MED27: variants seen among roughly 807,000 people sequenced by gnomAD.
The protein encoded by MED27 is mediator complex subunit 27, also known as mediator of RNA polymerase II transcription subunit 27.
In MED27, 30 loss-of-function variants were observed where a neutral mutation model predicts 38.2. That is an observed-to-expected ratio of 0.79 (90% CI 0.59 to 1.07). The LOEUF (loss-of-function observed/expected upper bound fraction) is 1.07. Ranked by LOEUF, MED27 falls within the 50% of genes least tolerant of loss-of-function variation. The probability of loss-of-function intolerance (pLI) is 0.00; values close to 1 mark genes in which losing one functional copy is unlikely to be tolerated. For synonymous variants in MED27, 122 were observed against 153.5 expected, an observed-to-expected ratio of 0.79 and a Z score of 1.52; for missense variants, 289 against 397.5, an observed-to-expected ratio of 0.73 and a Z score of 2.32.
intron 4 of MED27, among the ~76,000 whole-genome samples, chr9:131,911,880 T>C (rs930956866): frequency 6.6e-6 from 1 of 152,152 alleles, no homozygotes; most frequent in Non-Finnish European, 1.5e-5. Flanking sequence ...CCCTGATCAC[T>C]GCTGTTAACT....
At chr9:131,930,202 ACAT>A (rs1444622701) in intron 4 of MED27, among the ~76,000 whole-genome samples, 5 of 152,222 alleles carry the variant, frequency 3.3e-5, no homozygotes, top group Non-Finnish European at 4.4e-5. Flanking sequence ...CCAAGGGGTA[ACAT>A]CAGATCACTG....
chr9:132,044,383 G>A (rs930021023), intron 2 of MED27, among the ~76,000 whole-genome samples: 1 of 152,142 alleles, frequency 6.6e-6, no homozygotes, highest in Admixed American at 6.5e-5. Flanking sequence ...TTTCTCTTAC[G>A]CTTCTTACTT....
At chr9:132,057,719 G>A (rs1204594056) in intron 2 of MED27, among the ~76,000 whole-genome samples, 2 of 152,168 alleles carry the variant, frequency 1.3e-5, no homozygotes, top group East Asian at 1.9e-4. Flanking sequence ...GGTCCCAAAC[G>A]TTACTCATGA....
chr9:131,925,730 A>G (rs951687068), intron 4 of MED27, among the ~76,000 whole-genome samples: 1 of 152,258 alleles, frequency 6.6e-6, no homozygotes, highest in African/African-American at 2.4e-5. Context: ...CATCCCCTCC[A>G]AAACAGGAGA....
intron 5 of MED27, among the ~76,000 whole-genome samples, chr9:131,884,778 TTGTA>T (rs1405092591): frequency 6.6e-6 from 1 of 152,046 alleles, no homozygotes; most frequent in African/African-American, 2.4e-5. Flanking sequence ...TGCTTAATTT[TTGTA>T]TTTTTAGTAG....
In MED27 at chr9:131,863,086, C is replaced by A; in HGVS notation, c.778G>T (p.Asp260Tyr). 1.2e-6 allele frequency: 2 copies of A among 1,614,152 alleles called. No homozygotes were observed. Among genetic ancestry groups the A allele is most frequent in the Non-Finnish European group, 1.7e-6 (2 of 1,180,006 alleles). Residue 260 changes from aspartate to tyrosine, a missense_variant, in exon 7 of 8, where the codon GAT becomes TAT. Transcript: ENST00000292035. ...ACCATGAAGGATCGGACCACGACAT[C>A]CGGCATCTGGGGCAGCTGATAGTGG... is the stretch of plus-strand genomic sequence containing the variant. ...LLHYQLPQMP[D>Y]VVVRSFMTWL...
intron 3 of MED27, among the ~76,000 whole-genome samples, chr9:131,991,191 C>T (rs769469830): frequency 4.6e-5 from 7 of 151,780 alleles, no homozygotes; most frequent in African/African-American, 7.3e-5. Flanking sequence ...AGTACAGCTG[C>T]GTTTCAAAAA....
Position 131,889,800 on chromosome 9 carries a change from A to G in MED27, c.681+4085T>C, listed in dbSNP as rs1839198931. Among the ~76,000 whole-genome samples, 1 of 152,204 alleles carries G rather than the reference A, an allele frequency of 6.6e-6. No homozygotes were observed. The highest frequency in any genetic ancestry group is 1.5e-5 in the Non-Finnish European group (1 of 68,036). On this transcript the variant is annotated intron_variant, in intron 5 of 7. Coordinates refer to ENST00000292035, the MANE Select transcript of MED27 (RefSeq NM_004269.4). This position sits in a 1 kb window ranked among gnomAD's most constrained non-coding sequence, Gnocchi z 4.2. Reference sequence around the variant, plus strand: ...TGCTTTGGGCTTGGAGGACAGAGACAACCGCAGAGGCAGAAGTTAAGCCCA... The same window carrying G: ...TGCTTTGGGCTTGGAGGACAGAGACGACCGCAGAGGCAGAAGTTAAGCCCA...
rs890429217 is a variant in MED27, at chr9:131,967,810, C to T, written c.480-28336G>A. Among the ~76,000 whole-genome samples, 3 of 149,654 alleles carry T rather than the reference C, an allele frequency of 2.0e-5. No homozygotes were observed. In the East Asian group the frequency reaches 6.0e-4, roughly 30 times the overall value. ...ACAGGCGTGAGCCACTGTGCCCAGCCTCTCATGATTTTTTTTTTTTTTTTT... is the reference window on the plus strand; with the variant it reads ...ACAGGCGTGAGCCACTGTGCCCAGCTTCTCATGATTTTTTTTTTTTTTTTT... On this transcript the variant is annotated intron_variant, in intron 3 of 7. Transcript: ENST00000292035.
chr9:131,921,230 C>T (rs1026603544), intron 4 of MED27, among the ~76,000 whole-genome samples: 3 of 152,160 alleles, frequency 2.0e-5, no homozygotes, highest in African/African-American at 7.2e-5. Flanking sequence ...GTTAGCACTA[C>T]CCTGCACCTG....
intron 3 of MED27, among the ~76,000 whole-genome samples, chr9:132,005,115 G>A (rs1220460209): frequency 1.3e-5 from 2 of 152,086 alleles, no homozygotes; most frequent in Non-Finnish European, 2.9e-5. Context: ...CCAATAACAG[G>A]AGTACATAAA....
intron 3 of MED27, among the ~76,000 whole-genome samples, chr9:131,987,436 G>A (rs1008519235): frequency 2.5e-4 from 38 of 152,022 alleles, no homozygotes; most frequent in African/African-American, 9.2e-4. Flanking sequence ...GAGGGGGAGC[G>A]GTGGGAATGT....
intron 3 of MED27, among the ~76,000 whole-genome samples, chr9:131,987,514 G>A (rs1324870966): frequency 1.3e-5 from 2 of 152,138 alleles, no homozygotes; most frequent in African/African-American, 2.4e-5. Context: ...TCTAAATAGA[G>A]TCTGTCTTAA....
chr9:132,041,673 T>A (rs1289716336), intron 2 of MED27, among the ~76,000 whole-genome samples: 2 of 152,202 alleles, frequency 1.3e-5, no homozygotes, highest in Non-Finnish European at 2.9e-5. Context: ...ATGAAAGAGA[T>A]TACTTTTTAA....
chr9:132,052,828 GTAAAAAACA>G (rs2131138425), intron 2 of MED27, among the ~76,000 whole-genome samples: 1 of 152,288 alleles, frequency 6.6e-6, no homozygotes, highest in East Asian at 1.9e-4. Flanking sequence ...CCATGCTGTT[GTAAAAAACA>G]TAATTTCATT....
At chr9:131,870,248 C>A (rs1838806689) in intron 6 of MED27, among the ~76,000 whole-genome samples, 1 of 152,200 alleles carries the variant, frequency 6.6e-6, no homozygotes, top group Non-Finnish European at 1.5e-5. Flanking sequence ...GTCTACGCTG[C>A]ACAGCTCAGG....
chr9:132,060,246 G>A (rs1252360883), intron 2 of MED27, among the ~76,000 whole-genome samples: 1 of 152,202 alleles, frequency 6.6e-6, no homozygotes, highest in African/African-American at 2.4e-5. Flanking sequence ...GGGGGAGGCA[G>A]TGACACACCA....
chr9:131,892,384 C>T (rs1366376324), intron 5 of MED27, among the ~76,000 whole-genome samples: 1 of 152,168 alleles, frequency 6.6e-6, no homozygotes, highest in Non-Finnish European at 1.5e-5. Context: ...CAGACACTTT[C>T]AGTAAGGGGC....
At chr9:131,920,738 G>A (rs561636258) in intron 4 of MED27, among the ~76,000 whole-genome samples, 28 of 152,186 alleles carry the variant, frequency 1.8e-4, no homozygotes, top group African/African-American at 6.0e-4. Flanking sequence ...GGGGCCTGGG[G>A]AAACCTTTGG....
Sources: allele counts gnomAD v4.1 joint callset (sites outside exome capture counted in the v4.1 genomes callset), GRCh38; gene constraint gnomAD v4.1.1; non-coding constraint Gnocchi (gnomAD v3.1); transcripts MANE v1.5; gene names NCBI Gene and HGNC (gene_info 2026-07-23, HGNC 2026-07-21).